Variants in ERCC4 observed in about 807,000 individuals in gnomAD.
ERCC4 encodes DNA repair endonuclease XPF.
In ERCC4, 65 loss-of-function variants were observed where a neutral mutation model predicts 76.9. That is an observed-to-expected ratio of 0.84 (90% CI 0.69 to 1.04). The LOEUF is 1.04. Ranked by LOEUF, ERCC4 falls within the 50% of genes least tolerant of loss-of-function variation. The probability of loss-of-function intolerance (pLI) is 0.00; values close to 1 mark genes in which losing one functional copy is unlikely to be tolerated. For missense variants in ERCC4, 1,214 were observed against 1,128.2 expected, an observed-to-expected ratio of 1.08 and a Z score of -1.09; for synonymous variants, 463 against 410.1, an observed-to-expected ratio of 1.13 and a Z score of -1.56.
At chr16:13,938,218 C>G (rs2032343297) in intron 9 of ERCC4, among the ~76,000 whole-genome samples, 2 of 152,128 alleles carry the variant, frequency 1.3e-5, no homozygotes, top group African/African-American at 4.8e-5. Flanking sequence ...TCCTCCCTGC[C>G]TTATGCACAA....
chr16:13,935,568 A>G lies in ERCC4; in HGVS notation c.1636A>G (p.Ile546Val), dbSNP rs1296627332. ...TTTGTCATCGGATGCTGCTTTCGGA[A>G]TCCTGAAAGAACCCCTCACTATCAT... ...VNLSSDAAFG[I>V]LKEPLTIIHP... Residue 546 changes from isoleucine to valine, a missense_variant, in exon 8 of 11, where the codon ATC (isoleucine) becomes GTC (valine). Coordinates refer to ENST00000311895, the MANE Select transcript of ERCC4 (RefSeq NM_005236.3). The G allele has an allele frequency of 6.2e-7, 1 of 1,614,208 alleles. No homozygotes were observed. The highest frequency in any genetic ancestry group is 1.7e-5 in the Admixed American group (1 of 60,026).
rs1231006454 is a variant in ERCC4, at chr16:13,947,825, C to G, written c.2229C>G (p.Ser743Arg). The change falls in exon 11 of 11, where the codon AGC becomes AGG. Residue 743 changes from serine (S) to arginine (R), a missense_variant. Coordinates refer to ENST00000311895, the MANE Select transcript of ERCC4 (RefSeq NM_005236.3). ...IGSLNNGRLY[S>R]QCISMSRYYK... The stretch of plus-strand genomic sequence containing the variant: ...CTTTAAATAACGGCCGCCTCTACAG[C>G]CAGTGCATCTCCATGTCCCGCTACT... 6.2e-7 allele frequency: 1 copy of G among 1,614,214 alleles called. No homozygotes were observed. Among genetic ancestry groups the G allele is most frequent in the South Asian group, 1.1e-5 (1 of 91,074 alleles).
chr16:13,926,667 A>G lies in ERCC4; in HGVS notation c.495A>G (p.Thr165=). 2 of 1,614,132 alleles carry G rather than the reference A, an allele frequency of 1.2e-6. No individual in the cohort carries two copies. Among genetic ancestry groups the G allele is most frequent in the South Asian group, 1.1e-5 (1 of 91,082 alleles). Residue 165 remains threonine, a synonymous_variant, in exon 3 of 11, where the codon ACA becomes ACG. Coordinates refer to ENST00000311895, the MANE Select transcript of ERCC4 (RefSeq NM_005236.3). ...KNKRGFIKAF[T]DNAVAFDTGF... ...AACGTGGTTTTATTAAAGCTTTCACAGACAATGCTGTTGCCTTTGATACTG... is the reference window on the plus strand; with the variant it reads ...AACGTGGTTTTATTAAAGCTTTCACGGACAATGCTGTTGCCTTTGATACTG...
At chr16:13,941,814 G>A (rs1260081614) in intron 9 of ERCC4, among the ~76,000 whole-genome samples, 1 of 152,120 alleles carries the variant, frequency 6.6e-6, no homozygotes, top group Non-Finnish European at 1.5e-5. Flanking sequence ...TTGAAAATAC[G>A]ATCACAAAAT....
intron 8 of ERCC4, among the ~76,000 whole-genome samples, chr16:13,937,249 C>A (rs571021552): frequency 1.3e-5 from 2 of 152,084 alleles, no homozygotes; most frequent in South Asian, 4.2e-4. Flanking sequence ...GAAAGTAGAT[C>A]AAATTATTCT....
chr16:13,944,824 C>G lies in ERCC4; in HGVS notation c.2006C>G (p.Thr669Ser). Residue 669 changes from threonine to serine, a missense_variant, in exon 10 of 11, where the codon ACT becomes AGT. Thr to Ser is a moderately conservative substitution (Grantham distance 58, BLOSUM62 1). Transcript: ENST00000311895. Reference sequence around the variant, plus strand: ...GCATCTGCAGATGTTTCCACTGACACTCGGAAAGCCGGTGAGTCCTGCACT... The same window carrying G: ...GCATCTGCAGATGTTTCCACTGACAGTCGGAAAGCCGGTGAGTCCTGCACT... ...GTASADVSTDTRKAGGQEQNG... is the reference protein window; with the variant it reads ...GTASADVSTDSRKAGGQEQNG... 6.2e-7 allele frequency: 1 copy of G among 1,609,616 alleles called. No individual in the cohort carries two copies.
chr16:13,926,593 G>C lies in ERCC4; in HGVS notation c.421G>C (p.Glu141Gln). The C allele has an allele frequency of 6.2e-7, 1 of 1,614,084 alleles. No individual in the cohort carries two copies. Among genetic ancestry groups the C allele is most frequent in the Non-Finnish European group, 8.5e-7 (1 of 1,180,006 alleles). ...ILVYRAHRII[E>Q]SCQEAFILRL... ...GGTGTATAGAGCCCACAGAATAATC[G>C]AGTCTTGTCAAGAAGCATTCATCTT... Residue 141 changes from glutamate (E) to glutamine (Q), a missense_variant, in exon 3 of 11, where the codon GAG becomes CAG. Physicochemically the swap from Glu to Gln is conservative, Grantham distance 29. Transcript: ENST00000311895.
At chr16:13,931,087 T>C (rs944154485) in intron 5 of ERCC4, 197 bp downstream of exon 5, 1 of 591,292 alleles carries the variant, frequency 1.7e-6, no homozygotes, top group South Asian at 2.1e-5. Context: ...GTCTGTTCTG[T>C]ATAATAATAA....
rs768640022 is a variant in ERCC4, at chr16:13,947,679, C to A, written c.2083C>A (p.Leu695Ile). The change falls in exon 11 of 11, where the codon CTT (leucine) becomes ATT (isoleucine). Residue 695 changes from leucine to isoleucine, a missense_variant. By Grantham distance (5) the Leu-to-Ile change is conservative (BLOSUM62 2). Transcript: ENST00000311895. ...VVDMREFRSE[L>I]PSLIHRRGID... ...GGATATGCGTGAATTTCGAAGTGAG[C>A]TTCCATCTCTGATCCATCGTCGGGG... 8.1e-6 allele frequency: 13 copies of A among 1,614,104 alleles called. No homozygotes were observed. Among genetic ancestry groups the A allele is most frequent in the Non-Finnish European group, 1.1e-5 (13 of 1,180,034 alleles).
chr16:13,928,308 A>G, intron 4 of ERCC4, 73 bp downstream of exon 4: 2 of 1,067,084 alleles, frequency 1.9e-6, no homozygotes, highest in South Asian at 2.6e-5. Flanking sequence ...TAATATTTGC[A>G]ATGTTGTTAA....
chr16:13,947,616 G>T lies in ERCC4; in HGVS notation c.2020G>T (p.Gly674Cys). ...DVSTDTRKAG[G>C]QEQNGTQQSI... ...CATTACTTACTTTTTCTCTGTAGGT[G>T]GCCAGGAACAGAATGGTACACAGCA... The change falls in exon 11 of 11, where the codon GGC (glycine) becomes TGC (cysteine). Residue 674 changes from glycine to cysteine, a missense_variant and splice_region_variant. By Grantham distance (159) the Gly-to-Cys change is radical. Coordinates refer to ENST00000311895, the MANE Select transcript of ERCC4 (RefSeq NM_005236.3). The T allele has an allele frequency of 6.2e-7, 1 of 1,614,080 alleles. No individual in the cohort carries two copies. Among genetic ancestry groups the T allele is most frequent in the Non-Finnish European group, 8.5e-7 (1 of 1,179,986 alleles).
intron 9 of ERCC4, among the ~76,000 whole-genome samples, chr16:13,944,344 A>G (rs3136203): frequency 0.012 from 1,816 of 152,288 alleles, 11 homozygotes; most frequent in Non-Finnish European, 0.02. Flanking sequence ...GTTTGAATAT[A>G]AATGATTTAC....
rs1192175161 is a variant in ERCC4, at chr16:13,932,158, T to A, written c.975T>A (p.Gly325=). The A allele has an allele frequency of 6.2e-7, 1 of 1,612,940 alleles. No individual in the cohort carries two copies. The highest frequency in any genetic ancestry group is 8.5e-7 in the Non-Finnish European group (1 of 1,179,146). ...TTTTCTTTTAACTTTTCGTATTAGG[T>A]TGGCTGTTTCTTGACTCCAGCACCT... ...ATEKAFGQNS[G]WLFLDSSTSM... Residue 325 remains glycine (G), a splice_region_variant and synonymous_variant, in exon 6 of 11, where the codon GGT becomes GGA. Coordinates refer to ENST00000311895, the MANE Select transcript of ERCC4 (RefSeq NM_005236.3).
intron 6 of ERCC4, chr16:13,933,075 A>G (rs985978847): frequency 1.4e-4 from 58 of 400,856 alleles, no homozygotes; most frequent in Non-Finnish European, 2.8e-4. Flanking sequence ...AAACACAAAA[A>G]CTTTTAAAGT....
intron 9 of ERCC4, among the ~76,000 whole-genome samples, chr16:13,943,062 G>C (rs572199453): frequency 1.3e-5 from 2 of 152,246 alleles, no homozygotes; most frequent in South Asian, 4.2e-4. Flanking sequence ...GCCCCCTTGT[G>C]ATCTACTTAT....
rs2031987834 is a variant in ERCC4, at chr16:13,922,087, A to G, written c.264A>G (p.Val88=). 6.2e-7 allele frequency: 1 copy of G among 1,613,944 alleles called. No homozygotes were observed. Residue 88 remains valine (V), a synonymous_variant, in exon 2 of 11, where the codon GTA becomes GTG. Coordinates refer to ENST00000311895, the MANE Select transcript of ERCC4 (RefSeq NM_005236.3). ...GAGTTGAACACCTCCCTCGCCGTGT[A>G]ACAAATGAAATCACAAGCAACAGTC... ...IEGVEHLPRR[V]TNEITSNSRY...
chr16:13,939,637 C>T (rs573373702), intron 9 of ERCC4, among the ~76,000 whole-genome samples: 3 of 152,176 alleles, frequency 2.0e-5, no homozygotes, highest in Admixed American at 6.5e-5. Flanking sequence ...GCAGTAAGAC[C>T]GCACTGAAGC....
At chr16:13,922,678 A>G (rs2032001848) in intron 2 of ERCC4, 4 of 452,452 alleles carry the variant, frequency 8.8e-6, no homozygotes, top group Non-Finnish European at 1.6e-5. Flanking sequence ...TTTCTTTGTC[A>G]TCTTGGAGGC....
chr16:13,949,288 C>T lies in ERCC4; in HGVS notation c.*941C>T. 4.3e-6 allele frequency: 1 copy of T among 233,862 alleles called. No individual in the cohort carries two copies. Among genetic ancestry groups the T allele is most frequent in the Non-Finnish European group, 8.4e-6 (1 of 118,408 alleles). The allele number at this position is 233,862 out of a possible 1,614,324, so 14.5% of individuals were successfully genotyped here. A position where few individuals can be genotyped will look rare whatever the true frequency, so the allele number is the denominator to read the frequency against. On this transcript the variant is annotated 3_prime_UTR_variant, in exon 11 of 11. Coordinates refer to ENST00000311895, the MANE Select transcript of ERCC4 (RefSeq NM_005236.3). ...TTTTTCAGACTTCCTCGTTTCTCAG[C>T]TCTTATATCCTAAGACACCAGCATC...
Sources: gnomAD v4.1 joint callset for allele counts (sites outside exome capture counted in the v4.1 genomes callset) on GRCh38, gnomAD v4.1.1 for gene constraint, MANE v1.5 for transcripts, NCBI Gene and HGNC (gene_info 2026-07-23, HGNC 2026-07-21) for gene names.